MBNL1: variants seen among roughly 807,000 people sequenced by gnomAD.
MBNL1 encodes the protein muscleblind-like protein 1.
Under a neutral mutation model 42.2 loss-of-function variants are expected in MBNL1, and 8 were observed. That is an observed-to-expected ratio of 0.19 (90% CI 0.11 to 0.34). The LOEUF (loss-of-function observed/expected upper bound fraction) is 0.34. MBNL1 is among the 10% of genes least tolerant of loss of function. The pLI, the probability that MBNL1 is intolerant of heterozygous loss-of-function variation, is 1.00. For missense variants in MBNL1, 309 were observed against 495.3 expected, an observed-to-expected ratio of 0.62 and a Z score of 3.57; for synonymous variants, 169 against 173.9, an observed-to-expected ratio of 0.97 and a Z score of 0.22.
chr3:152,296,781 C>T (rs1020442360), intron 1 of MBNL1, among the ~76,000 whole-genome samples: 1 of 151,788 alleles, frequency 6.6e-6, no homozygotes, highest in Admixed American at 6.6e-5. Context: ...ATTTTGTACC[C>T]TAGAAGTAAT....
intron 3 of MBNL1, among the ~76,000 whole-genome samples, chr3:152,429,670 G>A (rs962447304): frequency 1.3e-5 from 2 of 152,084 alleles, no homozygotes; most frequent in South Asian, 2.1e-4. Context: ...TCTGATTAGG[G>A]CACTCTCTGA....
rs111644138 is a variant in MBNL1 at position 152,342,553 on chromosome 3, A to AACACACACACACACACAC, written c.174+42203_174+42220dup. 1.6e-3 allele frequency among the ~76,000 whole-genome samples: 232 copies of AACACACACACACACACAC among 146,104 alleles called. 1 individual carries two copies. Among genetic ancestry groups the AACACACACACACACACAC allele is most frequent in the African/African-American group, 5.4e-3 (212 of 38,962 alleles). On this transcript the variant is annotated intron_variant, in intron 2 of 9. Transcript: ENST00000324210. The stretch of plus-strand genomic sequence containing the variant: ...TCTGTCTTACTGGGAAACTAAACAA[A>AACACACACACACACACAC]ACACACACACACACACACACACACA...
At chr3:152,320,054 C>A (rs1251016360) in intron 2 of MBNL1, among the ~76,000 whole-genome samples, 1 of 152,092 alleles carries the variant, frequency 6.6e-6, no homozygotes, top group Non-Finnish European at 1.5e-5. Context: ...AGTTTATAAA[C>A]TCCTTAAGAA....
Position 152,447,742 on chromosome 3 carries a change from G to A in MBNL1, c.930G>A (p.Gln310=). 6.2e-7 allele frequency: 1 copy of A among 1,613,754 alleles called. No homozygotes were observed. The highest frequency in any genetic ancestry group is 8.5e-7 in the Non-Finnish European group (1 of 1,179,754). The change falls in exon 6 of 10, where the codon CAG becomes CAA. Residue 310 remains glutamine (Q), a synonymous_variant. Transcript: ENST00000324210. The part of the protein sequence containing the change: ...FQYQQALANM[Q]LQQHTAFLPP... Reference sequence around the variant, plus strand: ...ACCAACAGGCTCTAGCCAACATGCAGTTACAACAGCATACAGCATTTCTCC... The same window carrying A: ...ACCAACAGGCTCTAGCCAACATGCAATTACAACAGCATACAGCATTTCTCC...
chr3:152,357,701 CT>C (rs1181430559), intron 2 of MBNL1, among the ~76,000 whole-genome samples: 2 of 152,090 alleles, frequency 1.3e-5, no homozygotes, highest in African/African-American at 4.8e-5. Flanking sequence ...ATTTTCCCAC[CT>C]TACTCTTGCT....
chr3:152,256,219 A>G (rs1308887612), intron 2 of MBNL1, among the ~76,000 whole-genome samples: 1 of 152,210 alleles, frequency 6.6e-6, no homozygotes. Context: ...AGATAAGCCA[A>G]GTTTACCTGG....
intron 2 of MBNL1, chr3:152,335,031 T>G (rs536966882): frequency 8.5e-7 from 1 of 1,183,144 alleles, no homozygotes; most frequent in African/African-American, 1.6e-5. Flanking sequence ...TGCTCCAGCT[T>G]CTGCTGCTGC....
chr3:152,313,019 G>A (rs77117127), intron 2 of MBNL1, among the ~76,000 whole-genome samples: 1 of 144,770 alleles, frequency 6.9e-6, no homozygotes, highest in African/African-American at 2.6e-5. Flanking sequence ...AAATGTGCAA[G>A]TGAAAACTTT....
rs1177240249 is a variant in MBNL1 at position 152,445,549 on chromosome 3, G to A, written c.807+10G>A. On this transcript the variant is annotated intron_variant, in intron 5 of 9. Coordinates refer to ENST00000324210, the MANE Select transcript of MBNL1 (RefSeq NM_021038.5). ...CACCGCAGCTGCCATGGTGAGTAGA[G>A]ATATCAGCTCTCTCCTTGTTAGCAG... 1.2e-6 allele frequency: 2 copies of A among 1,606,186 alleles called. No individual in the cohort carries two copies. Among genetic ancestry groups the A allele is most frequent in the East Asian group, 2.2e-5 (1 of 44,724 alleles).
intron 2 of MBNL1, among the ~76,000 whole-genome samples, chr3:152,347,406 T>C (rs2094426519): frequency 6.6e-6 from 1 of 152,180 alleles, no homozygotes; most frequent in South Asian, 2.1e-4. Context: ...ATTATACTTT[T>C]AGTCACTTTT....
In MBNL1 at chr3:152,341,814, A is replaced by T. The variant is rs2093300639; in HGVS notation, c.174+41447A>T. 3.3e-5 allele frequency among the ~76,000 whole-genome samples: 5 copies of T among 152,314 alleles called. No individual in the cohort carries two copies. The South Asian group carries it at 1.0e-3, about 32-fold the overall frequency. ...GCTAAAAGAGGTGGCAAATATAGGGATGAGCCCAGATAGTGACATTTTTGG... is the reference window on the plus strand; with the variant it reads ...GCTAAAAGAGGTGGCAAATATAGGGTTGAGCCCAGATAGTGACATTTTTGG... On this transcript the variant is annotated intron_variant, in intron 2 of 9. Transcript: ENST00000324210.
At chr3:152,340,582 C>T (rs1231282842) in intron 2 of MBNL1, 3 of 1,613,790 alleles carry the variant, frequency 1.9e-6, no homozygotes, top group Non-Finnish European at 2.5e-6. Context: ...GATCTGTTCA[C>T]CATACATACT....
intron 1 of MBNL1, among the ~76,000 whole-genome samples, chr3:152,286,297 T>G (rs2051699061): frequency 6.9e-6 from 1 of 144,572 alleles, no homozygotes; most frequent in South Asian, 2.1e-4. Context: ...TACAAATATT[T>G]AATTATATTT....
At chr3:152,335,245 C>A in intron 2 of MBNL1, 2 of 1,289,662 alleles carry the variant, frequency 1.6e-6, no homozygotes, top group Non-Finnish European at 2.0e-6. Flanking sequence ...GTGAATAAGG[C>A]AATTGGGGAG....
chr3:152,328,962 C>T lies in MBNL1; in HGVS notation c.174+28595C>T, dbSNP rs369568828. Reference sequence around the variant, plus strand: ...AACGGAAGGCTAGTACCAAGGGAGACGGTAGTAAAATTATAGAAGGAGCTA... The same window carrying T: ...AACGGAAGGCTAGTACCAAGGGAGATGGTAGTAAAATTATAGAAGGAGCTA... On this transcript the variant is annotated intron_variant, in intron 2 of 9. Coordinates refer to ENST00000324210, the MANE Select transcript of MBNL1 (RefSeq NM_021038.5). 4.7e-4 allele frequency among the ~76,000 whole-genome samples: 71 copies of T among 151,778 alleles called. 2 individuals carry two copies. The South Asian group carries it at 0.014, about 29-fold the overall frequency.
At chr3:152,305,152 C>G (rs145461600) in intron 2 of MBNL1, among the ~76,000 whole-genome samples, 1 of 152,134 alleles carries the variant, frequency 6.6e-6, no homozygotes, top group Non-Finnish European at 1.5e-5. Context: ...CAAAATTCCA[C>G]GGAGTACCCT....
upstream of MBNL1, chr3:152,267,241 G>T (rs1196281661): frequency 6.6e-6 from 1 of 152,518 alleles, no homozygotes. Flanking sequence ...TTCTCCACCT[G>T]GACTCTACTC....
At position 152,432,778 on chromosome 3, in the gene MBNL1, A is replaced by T. The variant is rs1204898922; in HGVS notation, c.407A>T (p.Tyr136Phe). Residue 136 changes from tyrosine (Y) to phenylalanine (F), a missense_variant, in exon 4 of 10, where the codon TAT (tyrosine) becomes TTT (phenylalanine). By Grantham distance (22) the Tyr-to-Phe change is conservative. Coordinates refer to ENST00000324210, the MANE Select transcript of MBNL1 (RefSeq NM_021038.5). ...TNASAAAFNP[Y>F]LGPVSPSLVP... ...GCATCAGCAGCCGCCTTTAATCCCT[A>T]TCTGGGACCTGTTTCTCCAAGCCTG... The T allele has an allele frequency of 6.2e-7, 1 of 1,614,166 alleles. No homozygotes were observed.
chr3:152,391,318 T>C (rs1408218516), intron 2 of MBNL1, among the ~76,000 whole-genome samples: 1 of 152,232 alleles, frequency 6.6e-6, no homozygotes, highest in East Asian at 1.9e-4. Flanking sequence ...AAATGAATAA[T>C]GATTCTAAGT....
Sources: gnomAD v4.1 joint callset for allele counts (sites outside exome capture counted in the v4.1 genomes callset) on GRCh38, gnomAD v4.1.1 for gene constraint, MANE v1.5 for transcripts, NCBI Gene and HGNC (gene_info 2026-07-23, HGNC 2026-07-21) for gene names.